The following CLRN1 variants were observed in gnomAD, a reference collection of about 807,000 sequenced individuals.
CLRN1 encodes the protein clarin-1.
A neutral mutation model predicts 18.7 loss-of-function variants in CLRN1; 15 were observed. The observed-to-expected ratio is 0.80, with a 90% CI of 0.54 to 1.23. The LOEUF is 1.23. CLRN1 is among the 50% of genes most tolerant of loss of function. CLRN1 has a pLI of 0.00. For missense variants in CLRN1, 311 were observed against 277.5 expected (o/e 1.12, Z -0.86); for synonymous variants, 104 against 102.9 (o/e 1.01, Z -0.07).
rs1283937122 is a variant in CLRN1, at chr3:150,972,510, G to C, written c.199C>G (p.His67Asp). Residue 67 changes from histidine (H) to aspartate (D), a missense_variant, in exon 1 of 3, where the codon CAC (histidine) becomes GAC (aspartate). His to Asp is a moderately conservative substitution (Grantham distance 81). Transcript: ENST00000327047. ...FMGEMQYGLFHGEGVRQCGLG... is the reference protein window; with the variant it reads ...FMGEMQYGLFDGEGVRQCGLG... ...CCACACTGCCTCACACCCTCTCCGT[G>C]GAAAAGCCCGTACTGCATTTCACCC... is the stretch of plus-strand genomic sequence containing the variant. 1 of 1,614,022 alleles carries C rather than the reference G, an allele frequency of 6.2e-7. No homozygotes were observed. Among genetic ancestry groups the C allele is most frequent in the Non-Finnish European group, 8.5e-7 (1 of 1,180,056 alleles).
intron 1 of CLRN1, among the ~76,000 whole-genome samples, chr3:150,971,968 A>G (rs1715557795): frequency 6.6e-6 from 1 of 152,238 alleles, no homozygotes; most frequent in Non-Finnish European, 1.5e-5. Context: ...TTAAAAATGA[A>G]AACTGAATAT....
chr3:150,969,329 T>A (rs1715422884), intron 1 of CLRN1, among the ~76,000 whole-genome samples: 2 of 107,002 alleles, frequency 1.9e-5, no homozygotes, highest in African/African-American at 7.7e-5. Flanking sequence ...TTTTTTTTTT[T>A]TTTTTTTTTT....
chr3:150,964,228 C>T (rs923837048), intron 1 of CLRN1, among the ~76,000 whole-genome samples: 7 of 151,640 alleles, frequency 4.6e-5, no homozygotes, highest in African/African-American at 1.7e-4. Flanking sequence ...GAAAAAACCC[C>T]GTTAAAAAGT....
chr3:150,937,727 C>T (rs561777450), intron 2 of CLRN1, among the ~76,000 whole-genome samples: 10 of 152,222 alleles, frequency 6.6e-5, no homozygotes, highest in Admixed American at 6.5e-4. Flanking sequence ...CTGAGGAATA[C>T]GAGCTAAACT....
At chr3:150,968,836 T>C (rs1206052987) in intron 1 of CLRN1, among the ~76,000 whole-genome samples, 1 of 152,142 alleles carries the variant, frequency 6.6e-6, no homozygotes. Context: ...CATGTGACCC[T>C]ATGCAAATCA....
intron 2 of CLRN1, among the ~76,000 whole-genome samples, chr3:150,939,377 G>T (rs567252415): frequency 6.6e-6 from 1 of 152,256 alleles, no homozygotes; most frequent in East Asian, 1.9e-4. Context: ...CTAGGTTCTG[G>T]CAATGCCAAA....
chr3:150,972,352 A>C, intron 1 of CLRN1, 104 bp downstream of exon 1: 1 of 1,473,874 alleles, frequency 6.8e-7, no homozygotes, highest in Non-Finnish European at 9.4e-7. Flanking sequence ...ACCGATTTAA[A>C]AAGTCCTGCA....
chr3:150,957,682 G>A (rs7617172), intron 1 of CLRN1, among the ~76,000 whole-genome samples: 80,428 of 151,838 alleles, frequency 0.53, 21,580 homozygotes, highest in Non-Finnish European at 0.58. Flanking sequence ...CGGTGGGGAC[G>A]GAGTCTCGCT....
chr3:150,938,010 G>C (rs1457091267), intron 2 of CLRN1, among the ~76,000 whole-genome samples: 1 of 152,106 alleles, frequency 6.6e-6, no homozygotes, highest in Non-Finnish European at 1.5e-5. Flanking sequence ...CATGCCCCAG[G>C]ATGCCAAGTC....
At chr3:150,954,680 C>T (rs968612608) in intron 1 of CLRN1, among the ~76,000 whole-genome samples, 1 of 152,134 alleles carries the variant, frequency 6.6e-6, no homozygotes, top group Non-Finnish European at 1.5e-5. Context: ...GAAGTCTTTG[C>T]CTAATGCAAG....
intron 1 of CLRN1, among the ~76,000 whole-genome samples, chr3:150,958,796 G>C (rs1306144671): frequency 6.6e-6 from 1 of 152,184 alleles, no homozygotes; most frequent in Non-Finnish European, 1.5e-5. Flanking sequence ...GGTAGGATTT[G>C]CTCATCTTGA....
intron 2 of CLRN1, among the ~76,000 whole-genome samples, chr3:150,935,120 CA>C (rs1207972781): frequency 1.4e-5 from 2 of 138,808 alleles, no homozygotes. Flanking sequence ...GGTCCTACAT[CA>C]ATTTTTGTTT....
chr3:150,936,852 G>A (rs1307147106), intron 2 of CLRN1, among the ~76,000 whole-genome samples: 1 of 151,808 alleles, frequency 6.6e-6, no homozygotes, highest in East Asian at 1.9e-4. Flanking sequence ...CCTACAACAA[G>A]CAGACCTCTT....
chr3:150,960,295 C>T (rs1714963239), intron 1 of CLRN1, among the ~76,000 whole-genome samples: 1 of 151,960 alleles, frequency 6.6e-6, no homozygotes, highest in South Asian at 2.1e-4. Flanking sequence ...TTATATTTCC[C>T]CCGAAAAGAG....
At position 150,953,887 on chromosome 3, in the gene CLRN1, A is replaced by G. The variant is rs565699037; in HGVS notation, c.254-12126T>C. Among the ~76,000 whole-genome samples the G allele has an allele frequency of 2.0e-5, 3 of 152,338 alleles. No homozygotes were observed. In the South Asian group the frequency reaches 6.2e-4, roughly 32 times the overall value. On this transcript the variant is annotated intron_variant, in intron 1 of 2. Transcript: ENST00000327047. ...AACAGTATGAGGAAGGTATTATTTTATCCTTAATGTATAGATTTCAAAAGA... is the reference window on the plus strand; with the variant it reads ...AACAGTATGAGGAAGGTATTATTTTGTCCTTAATGTATAGATTTCAAAAGA...
intron 1 of CLRN1, among the ~76,000 whole-genome samples, chr3:150,960,001 G>T (rs1436245539): frequency 1.3e-5 from 2 of 152,156 alleles, no homozygotes; most frequent in Admixed American, 1.3e-4. Flanking sequence ...TGGGTAGAGG[G>T]GCCAATGGGG....
chr3:150,938,337 G>A (rs995090722), intron 2 of CLRN1, among the ~76,000 whole-genome samples: 2 of 152,110 alleles, frequency 1.3e-5, no homozygotes, highest in African/African-American at 2.4e-5. Context: ...AGTGTGTGAC[G>A]CATTGGCTCA....
intron 1 of CLRN1, among the ~76,000 whole-genome samples, chr3:150,943,395 G>A (rs1713970109): frequency 6.6e-6 from 1 of 152,124 alleles, no homozygotes; most frequent in Non-Finnish European, 1.5e-5. Flanking sequence ...CCCAGACTCA[G>A]CCAGTAGAGA....
In CLRN1 at chr3:150,953,586, G is replaced by A. The variant is rs574321079; in HGVS notation, c.254-11825C>T. 1.1e-4 allele frequency among the ~76,000 whole-genome samples: 16 copies of A among 152,134 alleles called. No homozygotes were observed. In the South Asian group the frequency reaches 3.1e-3, roughly 30 times the overall value. On this transcript the variant is annotated intron_variant, in intron 1 of 2. Transcript: ENST00000327047. Reference sequence around the variant, plus strand: ...AGCTCTGTCACCCAGGCAGTGGGTGGAGCCCACTGCAGCCTCCACCTCTGG... The same window carrying A: ...AGCTCTGTCACCCAGGCAGTGGGTGAAGCCCACTGCAGCCTCCACCTCTGG...
Sources: gnomAD v4.1 joint callset for allele counts (sites outside exome capture counted in the v4.1 genomes callset) on GRCh38, gnomAD v4.1.1 for gene constraint, MANE v1.5 for transcripts, NCBI Gene and HGNC (gene_info 2026-07-23, HGNC 2026-07-21) for gene names.